Variants in EPHA6 observed in about 807,000 individuals in gnomAD.
The protein encoded by EPHA6 is ephrin type-A receptor 6.
A neutral mutation model predicts 112.0 loss-of-function variants in EPHA6; 50 were observed. The observed-to-expected ratio is 0.45, with a 90% CI of 0.36 to 0.56. The LOEUF is 0.56. Among genes scored for constraint, EPHA6 ranks in the 20% least tolerant of loss-of-function variants. EPHA6 has a pLI of 0.00. For synonymous variants in EPHA6, 529 were observed against 490.7 expected (o/e 1.08, Z -1.03); for missense variants, 1,280 against 1,417.4 (o/e 0.90, Z 1.56).
intron 10 of EPHA6, among the ~76,000 whole-genome samples, chr3:97,498,261 G>A (rs1212472674): frequency 1.4e-5 from 2 of 147,482 alleles, no homozygotes; most frequent in Admixed American, 1.4e-4. Flanking sequence ...CTAGTGAGAA[G>A]CAAATCCAAG....
At position 97,313,504 on chromosome 3, in the gene EPHA6, T is replaced by C. The variant is rs1349323932; in HGVS notation, c.1606+69217T>C. ...TACTAATTTTCATTCCCACAAACAT[T>C]GTACAAGGGTTCCTTTTTTCCACAT... On this transcript the variant is annotated intron_variant, in intron 5 of 17. Coordinates refer to ENST00000389672, the MANE Select transcript of EPHA6 (RefSeq NM_001080448.3). 4.0e-5 allele frequency among the ~76,000 whole-genome samples: 6 copies of C among 151,702 alleles called. No homozygotes were observed. In the East Asian group the frequency reaches 1.2e-3, roughly 29 times the overall value.
intron 4 of EPHA6, among the ~76,000 whole-genome samples, chr3:97,231,616 A>G (rs2078526834): frequency 6.6e-6 from 1 of 152,130 alleles, no homozygotes; most frequent in Non-Finnish European, 1.5e-5. Flanking sequence ...AATTGGAGGG[A>G]TAGTAAGTGA....
intron 5 of EPHA6, among the ~76,000 whole-genome samples, chr3:97,274,807 G>A (rs953043012): frequency 6.6e-6 from 1 of 152,206 alleles, no homozygotes; most frequent in Non-Finnish European, 1.5e-5. Flanking sequence ...GGATCAGAGA[G>A]ATACAGTCAT....
At chr3:97,401,868 A>G (rs1247385273) in intron 5 of EPHA6, among the ~76,000 whole-genome samples, 1 of 151,426 alleles carries the variant, frequency 6.6e-6, no homozygotes, top group Non-Finnish European at 1.5e-5. Context: ...TTTTGTTTCT[A>G]TTTTCATTTG....
rs565077105 is a variant in EPHA6, at chr3:96,939,181, G to A, written c.451-48149G>A. On this transcript the variant is annotated intron_variant, in intron 2 of 17. Coordinates refer to ENST00000389672, the MANE Select transcript of EPHA6 (RefSeq NM_001080448.3). The stretch of plus-strand genomic sequence containing the variant: ...GATTGGAATAGTTTCAGAAGGAATG[G>A]TACCAGCTCCTCCTTGTACCTCTGG... 1.1e-4 allele frequency among the ~76,000 whole-genome samples: 16 copies of A among 152,314 alleles called. No individual in the cohort carries two copies. The East Asian group carries it at 2.9e-3, about 28-fold the overall frequency.
At position 96,814,621 on chromosome 3, in the gene EPHA6, TG is replaced by T; in HGVS notation, c.-1del. 6.9e-7 allele frequency: 1 copy of T among 1,442,690 alleles called. No individual in the cohort carries two copies. The highest frequency in any genetic ancestry group is 9.1e-7 in the Non-Finnish European group (1 of 1,097,028). The allele number at this position is 1,442,690 out of a possible 1,614,324, so 89.4% of individuals were successfully genotyped here. ...TCCTCGCGCAAGCGGGACACTGTGG[TG>T]GATGCAATTCCCCTCGCCTCCAGCC... On this transcript the variant is annotated 5_prime_UTR_variant, in exon 1 of 18. Transcript: ENST00000389672.
intron 1 of EPHA6, among the ~76,000 whole-genome samples, chr3:96,817,138 A>G (rs2032858667): frequency 6.6e-6 from 1 of 151,982 alleles, no homozygotes; most frequent in South Asian, 2.1e-4. Context: ...TAAATTGGAT[A>G]AAATTTAGGT....
intron 1 of EPHA6, among the ~76,000 whole-genome samples, chr3:96,839,743 A>G (rs2034625257): frequency 6.6e-6 from 1 of 152,084 alleles, no homozygotes; most frequent in African/African-American, 2.4e-5. Context: ...GAAACCTTAT[A>G]AGCTTTCTTA....
intron 5 of EPHA6, among the ~76,000 whole-genome samples, chr3:97,301,818 CTTATAA>C (rs764730059): frequency 1.3e-5 from 2 of 151,930 alleles, no homozygotes; most frequent in African/African-American, 4.8e-5. Context: ...TAATGTTTAA[CTTATAA>C]TTATATAATG....
intron 6 of EPHA6, among the ~76,000 whole-genome samples, chr3:97,411,790 A>G (rs1368292263): frequency 2.6e-5 from 4 of 152,070 alleles, no homozygotes; most frequent in South Asian, 4.1e-4. Flanking sequence ...AGAGAAACCT[A>G]TGTATTTTTA....
At chr3:97,360,688 C>T (rs1226719086) in intron 5 of EPHA6, among the ~76,000 whole-genome samples, 1 of 152,006 alleles carries the variant, frequency 6.6e-6, no homozygotes, top group Non-Finnish European at 1.5e-5. Context: ...ACTTAAACCA[C>T]GTTTGGTTAA....
At chr3:97,745,834 T>C (rs1476466514) in intron 16 of EPHA6, among the ~76,000 whole-genome samples, 1 of 151,752 alleles carries the variant, frequency 6.6e-6, no homozygotes, top group Non-Finnish European at 1.5e-5. Context: ...TTTTTAAGGG[T>C]AATTTTGATG....
intron 3 of EPHA6, among the ~76,000 whole-genome samples, chr3:97,160,021 T>C (rs1219188641): frequency 6.6e-6 from 1 of 152,154 alleles, no homozygotes; most frequent in Non-Finnish European, 1.5e-5. Context: ...TCTCAACTGC[T>C]GGAATATTGG....
At chr3:97,311,924 AT>A (rs1260192335) in intron 5 of EPHA6, among the ~76,000 whole-genome samples, 1 of 151,710 alleles carries the variant, frequency 6.6e-6, no homozygotes, top group Admixed American at 6.6e-5. Flanking sequence ...TTTAGGGAGA[AT>A]TAATATCTCA....
At chr3:97,220,583 C>T (rs1272801653) in intron 3 of EPHA6, among the ~76,000 whole-genome samples, 1 of 152,076 alleles carries the variant, frequency 6.6e-6, no homozygotes, top group African/African-American at 2.4e-5. Context: ...GGAGAATTGC[C>T]TAGAGAAGGG....
intron 3 of EPHA6, among the ~76,000 whole-genome samples, chr3:97,080,024 A>C (rs749712440): frequency 6.6e-6 from 1 of 152,086 alleles, no homozygotes; most frequent in Non-Finnish European, 1.5e-5. Flanking sequence ...TTGGAAACCA[A>C]AGGGTCTGTG....
intron 11 of EPHA6, among the ~76,000 whole-genome samples, chr3:97,542,240 C>T (rs1181278649): frequency 1.1e-4 from 16 of 152,108 alleles, no homozygotes. Flanking sequence ...TATCCCTCCC[C>T]TCTCCCCGCA....
chr3:96,987,364 G>A lies in EPHA6; in HGVS notation c.485G>A (p.Arg162Lys), dbSNP rs192891419. ...ATCACTGAAATGGATGAACATAATA[G>A]GCCCATTCACACATACCAGGTATGT... is the stretch of plus-strand genomic sequence containing the variant. ...DAITEMDEHN[R>K]PIHTYQVCNV... The change falls in exon 3 of 18, where the codon AGG (arginine) becomes AAG (lysine). Residue 162 changes from arginine to lysine, a missense_variant. Transcript: ENST00000389672. 1.9e-6 allele frequency: 3 copies of A among 1,612,818 alleles called. No homozygotes were observed. Among genetic ancestry groups the A allele is most frequent in the Non-Finnish European group, 2.5e-6 (3 of 1,179,212 alleles).
chr3:97,635,013 G>T (rs2093933873), intron 13 of EPHA6, among the ~76,000 whole-genome samples: 1 of 151,278 alleles, frequency 6.6e-6, no homozygotes, highest in African/African-American at 2.4e-5. Flanking sequence ...AGCTTGGTTT[G>T]GTGCTGACTT....
Sources: gnomAD v4.1 joint callset for allele counts (sites outside exome capture counted in the v4.1 genomes callset) on GRCh38, gnomAD v4.1.1 for gene constraint, MANE v1.5 for transcripts, NCBI Gene and HGNC (gene_info 2026-07-23, HGNC 2026-07-21) for gene names.